Variants in DSP observed in about 807,000 individuals in gnomAD.
DSP encodes 250/210 kDa paraneoplastic pemphigus antigen.
A neutral mutation model predicts 290.6 loss-of-function variants in DSP; 114 were observed. That is an observed-to-expected ratio of 0.39 (90% CI 0.34 to 0.46). DSP has a LOEUF of 0.46. Ranked by LOEUF, DSP falls within the 20% of genes least tolerant of loss-of-function variation. The probability of loss-of-function intolerance (pLI) is 0.99; values close to 1 mark genes in which losing one functional copy is unlikely to be tolerated. For synonymous variants in DSP, 1,311 were observed against 1,316.4 expected (o/e 1.00, Z 0.09); for missense variants, 3,230 against 3,495.8 (o/e 0.92, Z 1.92).
At position 7,569,651 on chromosome 6, in the gene DSP, A is replaced by G. The variant is rs138208797; in HGVS notation, c.1574+311A>G. 2.8e-3 allele frequency among the ~76,000 whole-genome samples: 430 copies of G among 152,244 alleles called. 2 individuals are homozygous for G. The highest frequency in any genetic ancestry group is 9.5e-3 in the African/African-American group (395 of 41,550). Reference sequence around the variant, plus strand: ...GGAGTTTGAGACCAGCCTGACCAACATGGAGAAACTCTGTCTCTACTAAAA... The same window carrying G: ...GGAGTTTGAGACCAGCCTGACCAACGTGGAGAAACTCTGTCTCTACTAAAA... On this transcript the variant is annotated intron_variant, in intron 12 of 23. Coordinates refer to ENST00000379802, the MANE Select transcript of DSP (RefSeq NM_004415.4).
At chr6:7,577,147 T>G in intron 20 of DSP, 105 bp downstream of exon 20, 2 of 838,838 alleles carry the variant, frequency 2.4e-6, no homozygotes. Context: ...GGATAGCAAT[T>G]ACGGTCTGTA....
intron 1 of DSP, among the ~76,000 whole-genome samples, chr6:7,548,095 C>T (rs866910534): frequency 4.6e-5 from 7 of 152,018 alleles, no homozygotes; most frequent in Middle Eastern, 3.4e-3. Flanking sequence ...GGTGAAACCC[C>T]GTCTCTACTA....
intron 10 of DSP, 91 bp downstream of exon 10, chr6:7,567,997 T>C: frequency 3.8e-6 from 6 of 1,562,778 alleles, no homozygotes; most frequent in Non-Finnish European, 5.2e-6. Context: ...ATTAGTATTA[T>C]TGTACAATGC....
At chr6:7,573,588 AAAAG>A (rs1392617503) in intron 15 of DSP, among the ~76,000 whole-genome samples, 19 of 152,212 alleles carry the variant, frequency 1.2e-4, no homozygotes, top group South Asian at 4.1e-4. Flanking sequence ...AAAAAAAAAA[AAAAG>A]AAAGAAAGAG....
At chr6:7,544,700 C>T (rs1758120524) in intron 1 of DSP, among the ~76,000 whole-genome samples, 1 of 151,812 alleles carries the variant, frequency 6.6e-6, no homozygotes, top group Admixed American at 6.6e-5. Context: ...GACTTTAAAA[C>T]ATCTCTCTCT....
intron 4 of DSP, among the ~76,000 whole-genome samples, chr6:7,560,134 A>G (rs567881896): frequency 2.9e-4 from 44 of 152,354 alleles, no homozygotes; most frequent in Non-Finnish European, 4.7e-4. Flanking sequence ...TTTTATAATG[A>G]AAACCTACTC....
chr6:7,579,441 G>A lies in DSP; in HGVS notation c.3251G>A (p.Arg1084Lys). ...CTTGCGAGCCTGGAGGAGCTGAAGA[G>A]ACAGGCTGAGCTGGATGGGAAGTCG... is the stretch of plus-strand genomic sequence containing the variant. ...AKLASLEELK[R>K]QAELDGKSAK... is the part of the protein sequence containing the mutation. The change falls in exon 23 of 24, where the codon AGA becomes AAA. Residue 1084 changes from arginine to lysine, a missense_variant. By Grantham distance (26) the Arg-to-Lys change is conservative. Transcript: ENST00000379802. The surrounding 1 kb of genome is among the most constrained non-coding windows in gnomAD (Gnocchi z 4.1). The A allele has an allele frequency of 6.2e-7, 1 of 1,614,146 alleles. No homozygotes were observed. Among genetic ancestry groups the A allele is most frequent in the Non-Finnish European group, 8.5e-7 (1 of 1,180,034 alleles).
chr6:7,571,057 A>G (rs1250036642), intron 13 of DSP, among the ~76,000 whole-genome samples: 1 of 152,132 alleles, frequency 6.6e-6, no homozygotes, highest in African/African-American at 2.4e-5. Context: ...GGGCACAGAA[A>G]GTACCTTTTG....
At position 7,584,537 on chromosome 6, in the gene DSP, C is replaced by T; in HGVS notation, c.7275C>T (p.Thr2425=). ...ACCCCAACACTGAAGAAAATCTTACCTATCTGCAACTAAAAGAAAGATGCA... is the reference window on the plus strand; with the variant it reads ...ACCCCAACACTGAAGAAAATCTTACTTATCTGCAACTAAAAGAAAGATGCA... ...FFDPNTEENL[T]YLQLKERCIK... Residue 2425 remains threonine, a synonymous_variant, in exon 24 of 24, where the codon ACC becomes ACT. Coordinates refer to ENST00000379802, the MANE Select transcript of DSP (RefSeq NM_004415.4). This position sits in a 1 kb window ranked among gnomAD's most constrained non-coding sequence, Gnocchi z 6.4. 1.2e-6 allele frequency: 2 copies of T among 1,614,048 alleles called. No individual in the cohort carries two copies. The highest frequency in any genetic ancestry group is 1.6e-4 in the Middle Eastern group (1 of 6,062).
At chr6:7,576,897 T>G in intron 19 of DSP, 62 bp from the exon 20 acceptor site, 5 of 1,377,286 alleles carry the variant, frequency 3.6e-6, no homozygotes, top group Non-Finnish European at 4.1e-6. Flanking sequence ...AAGAGTGAAA[T>G]CACATTTATT....
chr6:7,563,894 C>G (rs1055879546), intron 6 of DSP, 108 bp downstream of exon 6: 2 of 977,516 alleles, frequency 2.0e-6, no homozygotes, highest in Non-Finnish European at 3.3e-6. Context: ...TTCATCGATG[C>G]TAATGTTGTT....
rs773612667 is a variant in DSP at position 7,542,046 on chromosome 6, G to C, written c.131G>C (p.Arg44Pro). ...GGCACCAGCAGGATGTACTATTCTC[G>C]GCGCGGCGTGATCACCGACCAGAAC... is the stretch of plus-strand genomic sequence containing the variant. The part of the protein sequence containing the change: ...GGGTSRMYYS[R>P]RGVITDQNSD... Residue 44 changes from arginine (R) to proline (P), a missense_variant, in exon 1 of 24, where the codon CGG becomes CCG. Transcript: ENST00000379802. 6.4e-7 allele frequency: 1 copy of C among 1,573,106 alleles called. No homozygotes were observed. The highest frequency in any genetic ancestry group is 8.6e-7 in the Non-Finnish European group (1 of 1,159,810).
chr6:7,578,486 A>G lies in DSP; in HGVS notation c.3008A>G (p.Tyr1003Cys). 6.2e-7 allele frequency: 1 copy of G among 1,613,790 alleles called. No individual in the cohort carries two copies. The highest frequency in any genetic ancestry group is 1.7e-5 in the Admixed American group (1 of 60,012). ...LQEAADVHAR[Y>C]IELLTRSGDY... ...AAGGCTGCAGATGTTCATGCTCGGT[A>G]CATTGAACTACTTACAAGATCTGGA... Residue 1003 changes from tyrosine (Y) to cysteine (C), a missense_variant, in exon 22 of 24, where the codon TAC becomes TGC. Transcript: ENST00000379802.
intron 1 of DSP, among the ~76,000 whole-genome samples, chr6:7,542,565 T>A (rs1432734829): frequency 6.6e-6 from 1 of 151,868 alleles, no homozygotes; most frequent in Non-Finnish European, 1.5e-5. Context: ...TCACCCCCAA[T>A]CCCCAGTAAC....
chr6:7,583,982 GAT>G lies in DSP; in HGVS notation c.6721_6722del (p.Ile2241PhefsTer3). ...CTGTCAATGAACTGGAATCTGGTCAGATTTCTTATGACGAGGTTGGTGAGAGA... is the reference window on the plus strand; with the variant it reads ...CTGTCAATGAACTGGAATCTGGTCAGTTCTTATGACGAGGTTGGTGAGAGA... ...STVNELESGQ[I>X]SYDEVGERIK... On this transcript the variant is annotated frameshift_variant, in exon 24 of 24. Transcript: ENST00000379802. LOFTEE classifies it high-confidence loss of function. This position sits in a 1 kb window ranked among gnomAD's most constrained non-coding sequence, Gnocchi z 4.0. 3 of 1,614,212 alleles carry G rather than the reference GAT, an allele frequency of 1.9e-6. No individual in the cohort carries two copies. The highest frequency in any genetic ancestry group is 2.5e-6 in the Non-Finnish European group (3 of 1,180,046).
In DSP at chr6:7,558,169, G is replaced by A. The variant is rs750816128; in HGVS notation, c.327G>A (p.Glu109=). 3.7e-6 allele frequency: 6 copies of A among 1,614,098 alleles called. No individual in the cohort carries two copies. The highest frequency in any genetic ancestry group is 2.2e-5 in the South Asian group (2 of 91,090). The change falls in exon 3 of 24, where the codon GAG becomes GAA. Residue 109 remains glutamate, a synonymous_variant. Coordinates refer to ENST00000379802, the MANE Select transcript of DSP (RefSeq NM_004415.4). ...IQLTRSRELD[E]CFAQANDQME... is the part of the protein sequence containing the mutation. ...TGACTCGGAGTCGAGAATTGGATGAGTGTTTTGCCCAGGCCAATGACCAAA... is the reference window on the plus strand; with the variant it reads ...TGACTCGGAGTCGAGAATTGGATGAATGTTTTGCCCAGGCCAATGACCAAA...
Position 7,581,210 on chromosome 6 carries a change from A to G in DSP, c.5020A>G (p.Ser1674Gly), listed in dbSNP as rs891682254. ...GCGGCAGTTACTCCAGGAACAGGAAAGTGTCAAACAAGCTCACTTGAGGAA... is the reference window on the plus strand; with the variant it reads ...GCGGCAGTTACTCCAGGAACAGGAAGGTGTCAAACAAGCTCACTTGAGGAA... ...LRRQLLQEQESVKQAHLRNEH... is the reference protein window; with the variant it reads ...LRRQLLQEQEGVKQAHLRNEH... Residue 1674 changes from serine (S) to glycine (G), a missense_variant, in exon 23 of 24, where the codon AGT becomes GGT. Ser to Gly is a moderately conservative substitution (Grantham distance 56, BLOSUM62 0). Transcript: ENST00000379802. 1.2e-6 allele frequency: 2 copies of G among 1,614,238 alleles called. No individual in the cohort carries two copies. The highest frequency in any genetic ancestry group is 2.2e-5 in the East Asian group (1 of 44,894).
intron 8 of DSP, 34 bp from the exon 9 acceptor site, chr6:7,567,320 C>G (rs1322527545): frequency 6.4e-7 from 1 of 1,567,886 alleles, no homozygotes; most frequent in Non-Finnish European, 8.8e-7. Flanking sequence ...TACAACTGAG[C>G]TAGGCTAAGA....
chr6:7,542,422 G>A (rs976735658), intron 1 of DSP, among the ~76,000 whole-genome samples: 2 of 152,204 alleles, frequency 1.3e-5, no homozygotes, highest in African/African-American at 2.4e-5. Context: ...GCGAATGGGA[G>A]GTCAGGCGAG....
Sources: gnomAD v4.1 joint callset for allele counts (sites outside exome capture counted in the v4.1 genomes callset) on GRCh38, gnomAD v4.1.1 for gene constraint, Gnocchi (gnomAD v3.1) non-coding constraint, MANE v1.5 for transcripts, NCBI Gene and HGNC (gene_info 2026-07-23, HGNC 2026-07-21) for gene names.